The following PRKCE variants were observed in gnomAD, a reference collection of about 807,000 sequenced individuals.
PRKCE encodes the protein protein kinase C epsilon.
A neutral mutation model predicts 85.4 loss-of-function variants in PRKCE; 16 were observed. The observed-to-expected ratio is 0.19, with a 90% CI of 0.13 to 0.28. The LOEUF (loss-of-function observed/expected upper bound fraction) is 0.28, where lower values mean the gene tolerates loss of function less well. Ranked by LOEUF, PRKCE falls within the 10% of genes least tolerant of loss-of-function variation. The pLI is 1.00. For synonymous variants in PRKCE, 388 were observed against 371.5 expected, an observed-to-expected ratio of 1.04 and a Z score of -0.51; for missense variants, 573 against 975.2, an observed-to-expected ratio of 0.59 and a Z score of 5.49.
intron 11 of PRKCE, among the ~76,000 whole-genome samples, chr2:46,110,318 C>T (rs2104211949): frequency 6.6e-6 from 1 of 152,168 alleles, no homozygotes; most frequent in Non-Finnish European, 1.5e-5. Context: ...CTCTCTGGGT[C>T]TTATACTTTC....
chr2:46,158,956 C>T (rs1677484977), intron 13 of PRKCE, among the ~76,000 whole-genome samples: 1 of 152,124 alleles, frequency 6.6e-6, no homozygotes, highest in Non-Finnish European at 1.5e-5. Context: ...ATGTGATTTT[C>T]ACCTACAAGC....
intron 13 of PRKCE, among the ~76,000 whole-genome samples, chr2:46,154,283 GAGGCCT>G: frequency 6.6e-6 from 1 of 152,116 alleles, no homozygotes; most frequent in South Asian, 2.1e-4. Context: ...AGCCAGTGAG[GAGGCCT>G]CGGGGGTACT....
chr2:45,940,904 C>CA (rs11291175), intron 2 of PRKCE, among the ~76,000 whole-genome samples: 13 of 146,130 alleles, frequency 8.9e-5, no homozygotes, highest in African/African-American at 1.3e-4. Flanking sequence ...ATTAAAAATA[C>CA]AAAAAAAAAA....
rs74762081 is a variant in PRKCE, at chr2:45,851,181, C to G, written c.412+8118C>G. On this transcript the variant is annotated intron_variant, in intron 2 of 14. Coordinates refer to ENST00000306156, the MANE Select transcript of PRKCE (RefSeq NM_005400.3). ...GCAGGTACCAACAGTTATCCTCTTT[C>G]CTTGGTTGAGGAAATAGTGCCACGG... 7.7e-3 allele frequency among the ~76,000 whole-genome samples: 1,171 copies of G among 152,306 alleles called. 22 individuals carry two copies. The highest frequency in any genetic ancestry group is 0.027 in the African/African-American group (1,112 of 41,560).
At chr2:46,134,823 G>C (rs1347652161) in intron 11 of PRKCE, among the ~76,000 whole-genome samples, 1 of 152,212 alleles carries the variant, frequency 6.6e-6, no homozygotes, top group Admixed American at 6.5e-5. Context: ...TAAGTGTCAC[G>C]ACGGATCGTC....
rs1697039861 is a variant in PRKCE, at chr2:45,907,113, T to A, written c.412+64050T>A. On this transcript the variant is annotated intron_variant, in intron 2 of 14. Coordinates refer to ENST00000306156, the MANE Select transcript of PRKCE (RefSeq NM_005400.3). This position sits in a 1 kb window ranked among gnomAD's most constrained non-coding sequence, Gnocchi z 4.5. ...AGGCGGTCAGAGGGTACACGCTCCA[T>A]GTTAAATTTCTGAGGAGCAAAGGTA... is the stretch of plus-strand genomic sequence containing the variant. 6.6e-6 allele frequency among the ~76,000 whole-genome samples: 1 copy of A among 152,252 alleles called. No individual in the cohort carries two copies. Among genetic ancestry groups the A allele is most frequent in the East Asian group, 1.9e-4 (1 of 5,172 alleles).
Position 45,837,179 on chromosome 2 carries a change from G to T in PRKCE, c.349-5821G>T, listed in dbSNP as rs548675321. On this transcript the variant is annotated intron_variant, in intron 1 of 14. Coordinates refer to ENST00000306156, the MANE Select transcript of PRKCE (RefSeq NM_005400.3). ...GTGGAGTCCTCTTGATTTTGCTGTT[G>T]TGGTTGTCAGAACTCCTGCTGGGCA... Among the ~76,000 whole-genome samples, 7 of 152,360 alleles carry T rather than the reference G, an allele frequency of 4.6e-5. No homozygotes were observed. In the South Asian group the frequency reaches 1.4e-3, roughly 32 times the overall value.
intron 1 of PRKCE, among the ~76,000 whole-genome samples, chr2:45,689,500 CTTTA>C (rs898746355): frequency 3.3e-5 from 5 of 151,070 alleles, no homozygotes; most frequent in African/African-American, 1.2e-4. Context: ...GTAATCTATC[CTTTA>C]TTTGTTTTTA....
chr2:45,793,270 C>A (rs1687172067), intron 1 of PRKCE, among the ~76,000 whole-genome samples: 1 of 152,330 alleles, frequency 6.6e-6, no homozygotes, highest in Admixed American at 6.5e-5. Context: ...AGCTCCCAAT[C>A]CCCCAATTTC....
At chr2:45,885,180 CT>C (rs2105839181) in intron 2 of PRKCE, among the ~76,000 whole-genome samples, 1 of 151,936 alleles carries the variant, frequency 6.6e-6, no homozygotes, top group East Asian at 1.9e-4. Flanking sequence ...TCAGAATTAT[CT>C]TTTGCACTTG....
At chr2:45,727,297 G>A (rs1341134346) in intron 1 of PRKCE, among the ~76,000 whole-genome samples, 1 of 152,168 alleles carries the variant, frequency 6.6e-6, no homozygotes, top group African/African-American at 2.4e-5. Context: ...AGATCTTTTG[G>A]AAGTCTTTTT....
intron 2 of PRKCE, among the ~76,000 whole-genome samples, chr2:45,946,103 T>G (rs1430930362): frequency 3.3e-5 from 5 of 152,254 alleles, no homozygotes; most frequent in South Asian, 2.1e-4. Context: ...GCGTAGGATG[T>G]TGGCCAGATA....
At chr2:45,738,081 G>A (rs1209133771) in intron 1 of PRKCE, among the ~76,000 whole-genome samples, 1 of 152,044 alleles carries the variant, frequency 6.6e-6, no homozygotes, top group African/African-American at 2.4e-5. Context: ...CCTTTTGTCT[G>A]GGCTCTTGGA....
At chr2:45,916,913 C>T (rs1697830744) in intron 2 of PRKCE, among the ~76,000 whole-genome samples, 1 of 152,144 alleles carries the variant, frequency 6.6e-6, no homozygotes, top group Non-Finnish European at 1.5e-5. Context: ...TTCGTGGTCT[C>T]ACCGGCTCAG....
chr2:45,903,881 G>GTTTTTT lies in PRKCE; in HGVS notation c.412+60822_412+60827dup, dbSNP rs34124689. On this transcript the variant is annotated intron_variant, in intron 2 of 14. Transcript: ENST00000306156. ...GTATATGAGAGCTTGTAGCCTGGCA[G>GTTTTTT]TTTTTTTTTGTTTGTTTGTTTGTTT... Among the ~76,000 whole-genome samples, 126 of 117,122 alleles carry GTTTTTT rather than the reference G, an allele frequency of 1.1e-3. 1 individual carries two copies. Among genetic ancestry groups the GTTTTTT allele is most frequent in the East Asian group, 5.8e-3 (25 of 4,334 alleles). 76.8% of individuals were successfully genotyped at this position (117,122 alleles called of 152,430 possible). A position where few individuals can be genotyped will look rare whatever the true frequency, so the allele number is the denominator to read the frequency against.
At chr2:45,670,272 TG>T (rs1400435451) in intron 1 of PRKCE, among the ~76,000 whole-genome samples, 2 of 152,182 alleles carry the variant, frequency 1.3e-5, no homozygotes, top group African/African-American at 4.8e-5. Flanking sequence ...ATATGCTTTT[TG>T]TATAGGCTCC....
At chr2:46,154,948 A>G (rs1677053875) in intron 13 of PRKCE, among the ~76,000 whole-genome samples, 1 of 152,230 alleles carries the variant, frequency 6.6e-6, no homozygotes. Flanking sequence ...GGCTGAGAAC[A>G]GTGCCAAGCA....
intron 1 of PRKCE, among the ~76,000 whole-genome samples, chr2:45,654,080 G>A (rs1038994650): frequency 1.3e-5 from 2 of 152,226 alleles, no homozygotes; most frequent in African/African-American, 2.4e-5. Flanking sequence ...GGACAGGAAG[G>A]GGGTGGAAAA....
chr2:46,092,844 G>T (rs1394253955), intron 11 of PRKCE, among the ~76,000 whole-genome samples: 1 of 152,166 alleles, frequency 6.6e-6, no homozygotes, highest in African/African-American at 2.4e-5. Flanking sequence ...TCCTGCCATT[G>T]GCACACAGTT....
Sources: gnomAD v4.1 joint callset for allele counts (sites outside exome capture counted in the v4.1 genomes callset) on GRCh38, gnomAD v4.1.1 for gene constraint, Gnocchi (gnomAD v3.1) non-coding constraint, MANE v1.5 for transcripts, NCBI Gene and HGNC (gene_info 2026-07-23, HGNC 2026-07-21) for gene names.